Variants in CADM1 observed in about 807,000 individuals in gnomAD.
The protein encoded by CADM1 is cell adhesion molecule 1, also known as TSLC-1.
Under a neutral mutation model 53.1 loss-of-function variants are expected in CADM1, and 15 were observed. The ratio of observed to expected loss-of-function variants is 0.28; its 90% CI spans 0.19 to 0.44. The LOEUF (loss-of-function observed/expected upper bound fraction) is 0.44. Ranked by LOEUF, CADM1 falls within the 20% of genes least tolerant of loss-of-function variation. The probability of loss-of-function intolerance (pLI) is 1.00; values close to 1 mark genes in which losing one functional copy is unlikely to be tolerated. For synonymous variants in CADM1, 281 were observed against 243.0 expected (o/e 1.16, Z -1.45); for missense variants, 434 against 611.3 (o/e 0.71, Z 3.06).
At chr11:115,363,212 C>A (rs1946075089) in intron 1 of CADM1, among the ~76,000 whole-genome samples, 1 of 152,194 alleles carries the variant, frequency 6.6e-6, no homozygotes, top group South Asian at 2.1e-4. Context: ...CGTGGCATAG[C>A]TAGTGCCAAA....
At position 115,400,561 on chromosome 11, in the gene CADM1, G is replaced by GATATATATATATATATA. The variant is rs1239730184; in HGVS notation, c.124+103693_124+103709dup. Among the ~76,000 whole-genome samples, 6 of 129,264 alleles carry GATATATATATATATATA rather than the reference G, an allele frequency of 4.6e-5. No homozygotes were observed. In the East Asian group the frequency reaches 1.3e-3, roughly 28 times the overall value. The allele number at this position is 129,264 out of a possible 152,430, so 84.8% of individuals were successfully genotyped here. ...CAGACCTACATATATATATGGTGGT[G>GATATATATATATATATA]ATATATATATATATATAATATATAT... is the stretch of plus-strand genomic sequence containing the variant. On this transcript the variant is annotated intron_variant, in intron 1 of 11. Coordinates refer to ENST00000331581, the MANE Select transcript of CADM1 (RefSeq NM_001301043.2).
chr11:115,315,214 G>T (rs769348532), intron 1 of CADM1, among the ~76,000 whole-genome samples: 1 of 152,130 alleles, frequency 6.6e-6, no homozygotes, highest in African/African-American at 2.4e-5. Context: ...TCTTTTAATG[G>T]AAACGTCTTC....
At chr11:115,193,148 T>G (rs1315927020) in intron 9 of CADM1, among the ~76,000 whole-genome samples, 2 of 152,226 alleles carry the variant, frequency 1.3e-5, no homozygotes, top group Non-Finnish European at 1.5e-5. Context: ...ACTTTTCATT[T>G]TCTCAAAGAA....
chr11:115,427,000 T>C (rs1947908994), intron 1 of CADM1, among the ~76,000 whole-genome samples: 1 of 152,124 alleles, frequency 6.6e-6, no homozygotes, highest in Admixed American at 6.6e-5. Flanking sequence ...AAACGATCTT[T>C]AGTTTTGTTC....
At chr11:115,445,028 A>G (rs1287460432) in intron 1 of CADM1, among the ~76,000 whole-genome samples, 1 of 152,242 alleles carries the variant, frequency 6.6e-6, no homozygotes, top group Non-Finnish European at 1.5e-5. Flanking sequence ...ATCTCAAAAC[A>G]TAAAAAATAT....
At chr11:115,199,392 C>T (rs1202314139) in intron 8 of CADM1, among the ~76,000 whole-genome samples, 2 of 152,100 alleles carry the variant, frequency 1.3e-5, no homozygotes, top group Non-Finnish European at 2.9e-5. Context: ...GATGAACTTG[C>T]TGTGGAAGGA....
At chr11:115,206,028 G>C (rs906576600) in intron 8 of CADM1, among the ~76,000 whole-genome samples, 1 of 152,122 alleles carries the variant, frequency 6.6e-6, no homozygotes, top group Non-Finnish European at 1.5e-5. Flanking sequence ...TCACAGCTTA[G>C]CATAGCCTCC....
chr11:115,265,022 G>A (rs745405418), intron 1 of CADM1, among the ~76,000 whole-genome samples: 4 of 152,102 alleles, frequency 2.6e-5, no homozygotes, highest in Non-Finnish European at 5.9e-5. Flanking sequence ...ATTATATTAG[G>A]AATGAAAAGT....
At chr11:115,371,931 T>C (rs1468951381) in intron 1 of CADM1, among the ~76,000 whole-genome samples, 2 of 152,208 alleles carry the variant, frequency 1.3e-5, no homozygotes, top group East Asian at 3.9e-4. Context: ...TAAAACCTAG[T>C]GTAAATGCTT....
rs1477745320 is a variant in CADM1, at chr11:115,176,216, G to A, written c.*258C>T. 2.4e-6 allele frequency: 3 copies of A among 1,235,580 alleles called. No homozygotes were observed. Among genetic ancestry groups the A allele is most frequent in the African/African-American group, 1.6e-5 (1 of 64,452 alleles). The allele number at this position is 1,235,580 out of a possible 1,614,324, so 76.5% of individuals were successfully genotyped here. A position where few individuals can be genotyped will look rare whatever the true frequency, so the allele number is the denominator to read the frequency against. On this transcript the variant is annotated 3_prime_UTR_variant, in exon 12 of 12. Coordinates refer to ENST00000331581, the MANE Select transcript of CADM1 (RefSeq NM_001301043.2). ...TGCAATCTACTGAAACTAAATCCAA[G>A]TATCCAAGTTTGACTTGGTAGGAAG... is the stretch of plus-strand genomic sequence containing the variant.
At chr11:115,457,339 C>G (rs1290319776) in intron 1 of CADM1, among the ~76,000 whole-genome samples, 1 of 152,134 alleles carries the variant, frequency 6.6e-6, no homozygotes, top group African/African-American at 2.4e-5. Context: ...CCATAATATA[C>G]ATAAAAAGAC....
chr11:115,317,348 A>C (rs1249069038), intron 1 of CADM1, among the ~76,000 whole-genome samples: 1 of 152,172 alleles, frequency 6.6e-6, no homozygotes, highest in Non-Finnish European at 1.5e-5. Flanking sequence ...TCTAAAGAGC[A>C]GTTTTTAACT....
At chr11:115,434,386 C>T (rs1051446025) in intron 1 of CADM1, among the ~76,000 whole-genome samples, 2 of 152,202 alleles carry the variant, frequency 1.3e-5, no homozygotes, top group African/African-American at 2.4e-5. Context: ...TAGGACCTAC[C>T]ATATGCAAGG....
chr11:115,240,210 T>TTGATA (rs1942175812), intron 2 of CADM1, 64 bp downstream of exon 2: 1 of 1,533,424 alleles, frequency 6.5e-7, no homozygotes, highest in Non-Finnish European at 9.0e-7. Flanking sequence ...CTTAGCAATC[T>TTGATA]CTTTATCAAG....
chr11:115,245,039 A>C (rs977946715), intron 1 of CADM1, among the ~76,000 whole-genome samples: 1 of 152,202 alleles, frequency 6.6e-6, no homozygotes, highest in African/African-American at 2.4e-5. Context: ...CTATAATAAA[A>C]GGGCAAGTCA....
At chr11:115,280,463 G>T (rs1209464120) in intron 1 of CADM1, among the ~76,000 whole-genome samples, 5 of 152,172 alleles carry the variant, frequency 3.3e-5, no homozygotes, top group African/African-American at 1.2e-4. Flanking sequence ...AAAAATGCTG[G>T]AATTTGTATA....
At chr11:115,290,401 C>T (rs185380654) in intron 1 of CADM1, among the ~76,000 whole-genome samples, 89 of 152,302 alleles carry the variant, frequency 5.8e-4, no homozygotes, top group Non-Finnish European at 1.1e-3. Flanking sequence ...ACTCAGCTCA[C>T]TCCTCTGCTT....
chr11:115,426,692 A>C (rs1591221569), intron 1 of CADM1, among the ~76,000 whole-genome samples: 3 of 148,980 alleles, frequency 2.0e-5, no homozygotes, highest in African/African-American at 5.0e-5. Flanking sequence ...TTCTTCACCC[A>C]CCCTCCCCTG....
intron 1 of CADM1, among the ~76,000 whole-genome samples, chr11:115,473,955 G>A (rs1233793764): frequency 6.6e-6 from 1 of 152,050 alleles, no homozygotes; most frequent in African/African-American, 2.4e-5. Flanking sequence ...CTTATACCCA[G>A]TACTCTCAAT....
Sources: allele counts gnomAD v4.1 joint callset (sites outside exome capture counted in the v4.1 genomes callset), GRCh38; gene constraint gnomAD v4.1.1; transcripts MANE v1.5; gene names NCBI Gene and HGNC (gene_info 2026-07-23, HGNC 2026-07-21).